FOXN3: variants seen among roughly 807,000 people sequenced by gnomAD.
FOXN3 encodes forkhead box protein N3.
Under a neutral mutation model 38.4 loss-of-function variants are expected in FOXN3, and 7 were observed. The observed-to-expected ratio is 0.18, with a 90% CI of 0.10 to 0.34. The LOEUF is 0.34. Ranked by LOEUF, FOXN3 falls within the 10% of genes least tolerant of loss-of-function variation. The probability of loss-of-function intolerance (pLI) is 1.00; values close to 1 mark genes in which losing one functional copy is unlikely to be tolerated. For missense variants in FOXN3, 456 were observed against 613.4 expected, an observed-to-expected ratio of 0.74 and a Z score of 2.71; for synonymous variants, 230 against 242.2, an observed-to-expected ratio of 0.95 and a Z score of 0.47.
chr14:89,426,179 T>C (rs1039021264), intron 1 of FOXN3, among the ~76,000 whole-genome samples: 1 of 150,306 alleles, frequency 6.7e-6, no homozygotes, highest in African/African-American at 2.4e-5. Context: ...CATTTGTACG[T>C]GTCCATGAGT....
chr14:89,410,074 C>T (rs1009583499), intron 2 of FOXN3, among the ~76,000 whole-genome samples: 28 of 152,102 alleles, frequency 1.8e-4, no homozygotes, highest in Non-Finnish European at 7.4e-5. Flanking sequence ...TCTTTCCTCC[C>T]AGGCAACACC....
At chr14:89,492,434 C>T (rs769247999) in intron 1 of FOXN3, among the ~76,000 whole-genome samples, 4 of 150,404 alleles carry the variant, frequency 2.7e-5, no homozygotes, top group Non-Finnish European at 4.4e-5. Context: ...GAGCTGCCTT[C>T]GGTATGAGCC....
chr14:89,565,547 TCTTTGA>T (rs1371521260), intron 1 of FOXN3, among the ~76,000 whole-genome samples: 1 of 152,188 alleles, frequency 6.6e-6, no homozygotes, highest in Non-Finnish European at 1.5e-5. Context: ...GCCGTCCTCA[TCTTTGA>T]CATGAAGTGT....
At chr14:89,334,788 G>A (rs1428781761) in intron 3 of FOXN3, among the ~76,000 whole-genome samples, 2 of 151,912 alleles carry the variant, frequency 1.3e-5, no homozygotes, top group South Asian at 2.1e-4. Flanking sequence ...CTTGTTTTGA[G>A]ACAGAATCTT....
intron 1 of FOXN3, among the ~76,000 whole-genome samples, chr14:89,498,216 T>C (rs931597157): frequency 1.2e-5 from 1 of 81,732 alleles, no homozygotes; most frequent in Non-Finnish European, 3.2e-5. Context: ...CTCTCTTTTT[T>C]TTTTTTTTTT....
At chr14:89,374,978 G>GAAAAAAAAAAAAAAAA (rs71460268) in intron 2 of FOXN3, among the ~76,000 whole-genome samples, 1 of 87,492 alleles carries the variant, frequency 1.1e-5, no homozygotes. Context: ...CTCCGTCTCA[G>GAAAAAAAAAAAAAAAA]AAAAAAAAAA....
rs1894082188 is a variant in FOXN3, at chr14:89,511,263, CTTTCTTTCT to C, written c.-14-98782_-14-98774del. On this transcript the variant is annotated intron_variant, in intron 1 of 6. Coordinates refer to the FOXN3 transcript ENST00000345097. ...TTTTCTTTCTTTTCTTTCTTTCTTT[CTTTCTTTCT>C]TTCTTTCTTTCTTTCTTTCTTTCTT... Among the ~76,000 whole-genome samples, 25 of 41,232 alleles carry C rather than the reference CTTTCTTTCT, an allele frequency of 6.1e-4. 8 individuals are homozygous for C. In the Admixed American group the frequency reaches 8.2e-3, roughly 13 times the overall value. 27.0% of individuals were successfully genotyped at this position (41,232 alleles called of 152,430 possible). A position where few individuals can be genotyped will look rare whatever the true frequency, so the allele number is the denominator to read the frequency against.
At chr14:89,513,658 G>A (rs185054416) in intron 1 of FOXN3, among the ~76,000 whole-genome samples, 32 of 152,128 alleles carry the variant, frequency 2.1e-4, no homozygotes, top group African/African-American at 6.5e-4. Flanking sequence ...GCAATGGCAC[G>A]ATCTCGGCTC....
At chr14:89,417,282 G>C (rs1891770679), upstream of FOXN3, 1 of 147,670 alleles carries the variant, frequency 6.8e-6, no homozygotes, top group Non-Finnish European at 1.5e-5. Context: ...GGCGGAGGGA[G>C]GGACAGAGCG....
chr14:89,190,261 T>C, intron 4 of FOXN3: 1 of 700,694 alleles, frequency 1.4e-6, no homozygotes, highest in South Asian at 2.0e-5. Flanking sequence ...CTTATGTAGC[T>C]TTTAAAGTGA....
At chr14:89,205,426 T>C (rs933921469) in intron 4 of FOXN3, among the ~76,000 whole-genome samples, 4 of 152,190 alleles carry the variant, frequency 2.6e-5, no homozygotes, top group African/African-American at 9.7e-5. Flanking sequence ...GCATTTCTGC[T>C]TTCATGCCCA....
intron 1 of FOXN3, among the ~76,000 whole-genome samples, chr14:89,514,947 A>G (rs1389483706): frequency 6.7e-6 from 1 of 149,676 alleles, no homozygotes; most frequent in Non-Finnish European, 1.5e-5. Context: ...TCTGAGACGG[A>G]GTCTCGCCGT....
chr14:89,523,765 C>CT (rs1894369406), intron 1 of FOXN3, among the ~76,000 whole-genome samples: 1 of 127,688 alleles, frequency 7.8e-6, no homozygotes, highest in African/African-American at 2.8e-5. Flanking sequence ...TTCTTCCTTT[C>CT]TTTATGTTTT....
At chr14:89,510,683 C>T (rs999083073) in intron 1 of FOXN3, among the ~76,000 whole-genome samples, 5 of 152,054 alleles carry the variant, frequency 3.3e-5, no homozygotes, top group Admixed American at 6.6e-5. Flanking sequence ...TGGCTCACAC[C>T]GTAATCCCGG....
intron 1 of FOXN3, among the ~76,000 whole-genome samples, chr14:89,602,343 T>C (rs1896168716): frequency 6.6e-6 from 1 of 151,116 alleles, no homozygotes; most frequent in South Asian, 2.1e-4. Context: ...AATAATACAA[T>C]GAGTAAGAGG....
chr14:89,524,766 T>C (rs970017452), intron 1 of FOXN3, among the ~76,000 whole-genome samples: 2 of 152,204 alleles, frequency 1.3e-5, no homozygotes, highest in Non-Finnish European at 2.9e-5. Flanking sequence ...GGCTTACATC[T>C]ATTAAAGAAA....
At chr14:89,449,204 C>A (rs1892568020) in intron 1 of FOXN3, among the ~76,000 whole-genome samples, 1 of 152,208 alleles carries the variant, frequency 6.6e-6, no homozygotes, top group African/African-American at 2.4e-5. Flanking sequence ...TGATTGAACA[C>A]AGCTCTTCTA....
chr14:89,194,499 A>G (rs950769663), intron 4 of FOXN3, among the ~76,000 whole-genome samples: 7 of 152,096 alleles, frequency 4.6e-5, no homozygotes, highest in South Asian at 2.1e-4. Context: ...ACATCCTTCT[A>G]TGGAAAAGTG....
At chr14:89,608,839 A>T (rs148581096) in intron 1 of FOXN3, among the ~76,000 whole-genome samples, 167 of 152,350 alleles carry the variant, frequency 1.1e-3, no homozygotes, top group African/African-American at 3.4e-3. Context: ...GGATTAGCAG[A>T]TCCAACTAAG....
Sources: allele counts gnomAD v4.1 joint callset (sites outside exome capture counted in the v4.1 genomes callset), GRCh38; gene constraint gnomAD v4.1.1; transcripts MANE v1.5; gene names NCBI Gene and HGNC (gene_info 2026-07-23, HGNC 2026-07-21).